ROCK2: variants seen among roughly 807,000 people sequenced by gnomAD.
ROCK2 encodes rho-associated protein kinase 2.
Under a neutral mutation model 195.1 loss-of-function variants are expected in ROCK2, and 61 were observed. The observed-to-expected ratio is 0.31, with a 90% CI of 0.25 to 0.39. The LOEUF is 0.39. Ranked by LOEUF, ROCK2 falls within the 10% of genes least tolerant of loss-of-function variation. ROCK2 has a pLI of 1.00. For missense variants in ROCK2, 1,109 were observed against 1,637.4 expected (o/e 0.68, Z 5.57); for synonymous variants, 504 against 545.5 (o/e 0.92, Z 1.06).
chr2:11,205,380 C>G (rs182443418), intron 20 of ROCK2, among the ~76,000 whole-genome samples: 2 of 152,314 alleles, frequency 1.3e-5, no homozygotes, highest in Admixed American at 1.3e-4. Context: ...TGTTCTACTT[C>G]ATCAGTCACA....
At chr2:11,185,532 C>T (rs1663163558) in intron 32 of ROCK2, among the ~76,000 whole-genome samples, 1 of 152,152 alleles carries the variant, frequency 6.6e-6, no homozygotes, top group African/African-American at 2.4e-5. Flanking sequence ...AGTTCAAGAC[C>T]AGCCTGGCCA....
At chr2:11,224,496 G>A (rs748218310) in intron 6 of ROCK2, 36 bp from the exon 7 acceptor site, 52 of 1,593,824 alleles carry the variant, frequency 3.3e-5, no homozygotes, top group Non-Finnish European at 4.3e-5. Flanking sequence ...GAATGTAACA[G>A]AGAATGCAAA....
At position 11,212,250 on chromosome 2, in the gene ROCK2, T is replaced by G. The variant is rs144474720; in HGVS notation, c.2044-410A>C. Reference sequence around the variant, plus strand: ...TTTTTTAACAGGCTTAACTAGAATGTTCAGTATTTCCCCTCCCGTCTTCAC... The same window carrying G: ...TTTTTTAACAGGCTTAACTAGAATGGTCAGTATTTCCCCTCCCGTCTTCAC... On this transcript the variant is annotated intron_variant, in intron 17 of 32. Coordinates refer to ENST00000315872, the MANE Select transcript of ROCK2 (RefSeq NM_004850.5). Among the ~76,000 whole-genome samples, 461 of 152,134 alleles carry G rather than the reference T, an allele frequency of 3.0e-3. 2 individuals are homozygous for G. The highest frequency in any genetic ancestry group is 9.9e-3 in the African/African-American group (410 of 41,484).
chr2:11,289,209 T>G (rs1287245143), intron 1 of ROCK2, among the ~76,000 whole-genome samples: 1 of 152,078 alleles, frequency 6.6e-6, no homozygotes, highest in Non-Finnish European at 1.5e-5. Flanking sequence ...CCAGGTAAGC[T>G]GGGATTGTTA....
intron 7 of ROCK2, among the ~76,000 whole-genome samples, chr2:11,223,736 T>A (rs544799896): frequency 1.3e-5 from 2 of 152,216 alleles, no homozygotes; most frequent in East Asian, 3.9e-4. Context: ...AACGGGACAT[T>A]AGAAAAAAAT....
Position 11,214,342 on chromosome 2 carries a change from T to A in ROCK2, c.2043+15A>T. 1.4e-6 allele frequency: 2 copies of A among 1,422,682 alleles called. No homozygotes were observed. Among genetic ancestry groups the A allele is most frequent in the East Asian group, 4.6e-5 (2 of 43,696 alleles). The allele number at this position is 1,422,682 out of a possible 1,614,324, so 88.1% of individuals were successfully genotyped here. ...CTGTCAATTTTCTTATGCAAAAATATAAAACATGTTTTACCTTTTCCAAAT... is the reference window on the plus strand; with the variant it reads ...CTGTCAATTTTCTTATGCAAAAATAAAAAACATGTTTTACCTTTTCCAAAT... On this transcript the variant is annotated intron_variant, in intron 17 of 32. Transcript: ENST00000315872.
rs1483703733 is a variant in ROCK2, at chr2:11,192,181, C to T, written c.4130G>A (p.Arg1377Gln). Residue 1377 changes from arginine to glutamine, a missense_variant, in exon 32 of 33, where the codon CGG (arginine) becomes CAG (glutamine). Arg to Gln is a conservative substitution (Grantham distance 43). Transcript: ENST00000315872. The surrounding 1 kb of genome is among the most constrained non-coding windows in gnomAD (Gnocchi z 5.0). ...GTTTGGGGCAAGCTGTCGACTTGGC[C>T]GTCTAATAGACTGGTTTTGCTGTAT... The part of the protein sequence containing the change: ...MKIQQNQSIR[R>Q]PSRQLAPNKP... 8.1e-6 allele frequency: 13 copies of T among 1,610,728 alleles called. No individual in the cohort carries two copies. Among genetic ancestry groups the T allele is most frequent in the Admixed American group, 1.7e-5 (1 of 59,680 alleles).
At chr2:11,305,227 T>G (rs569190552) in intron 1 of ROCK2, among the ~76,000 whole-genome samples, 3 of 152,032 alleles carry the variant, frequency 2.0e-5, no homozygotes, top group Non-Finnish European at 4.4e-5. Flanking sequence ...AATACAAAAA[T>G]TAGCTGGGCA....
At chr2:11,208,766 T>C (rs901973219) in intron 18 of ROCK2, among the ~76,000 whole-genome samples, 1 of 152,106 alleles carries the variant, frequency 6.6e-6, no homozygotes, top group Admixed American at 6.5e-5. Context: ...CTAAGTTTTG[T>C]ATTTTTAGTA....
At chr2:11,338,138 G>A (rs577870855) in intron 1 of ROCK2, among the ~76,000 whole-genome samples, 42 of 152,034 alleles carry the variant, frequency 2.8e-4, no homozygotes, top group African/African-American at 9.4e-4. Flanking sequence ...GAGGCCAGGA[G>A]TTTGAGACCA....
At chr2:11,266,039 C>T (rs1422758545) in intron 3 of ROCK2, among the ~76,000 whole-genome samples, 3 of 152,166 alleles carry the variant, frequency 2.0e-5, no homozygotes, top group East Asian at 1.9e-4. Flanking sequence ...AAAACACGCA[C>T]GCCCACTAGC....
Position 11,201,957 on chromosome 2 carries a change from C to T in ROCK2, c.2619+95G>A, listed in dbSNP as rs1483983556. On this transcript the variant is annotated intron_variant, in intron 21 of 32. Coordinates refer to ENST00000315872, the MANE Select transcript of ROCK2 (RefSeq NM_004850.5). This position sits in a 1 kb window ranked among gnomAD's most constrained non-coding sequence, Gnocchi z 4.6. ...TCTTAAACTATCTACATTCTTTTGC[C>T]CAGCTGCTCTTTTTATATGAGTTGT... 3 of 884,958 alleles carry T rather than the reference C, an allele frequency of 3.4e-6. No individual in the cohort carries two copies. Among genetic ancestry groups the T allele is most frequent in the Admixed American group, 3.6e-5 (2 of 55,468 alleles). The allele number at this position is 884,958 out of a possible 1,614,324, so 54.8% of individuals were successfully genotyped here.
intron 4 of ROCK2, among the ~76,000 whole-genome samples, chr2:11,248,435 C>A (rs556691865): frequency 1.3e-5 from 2 of 151,768 alleles, no homozygotes; most frequent in African/African-American, 4.8e-5. Context: ...AGGCCAGGTG[C>A]GGTGGCTCAC....
chr2:11,242,467 G>C (rs1665460804), intron 4 of ROCK2, among the ~76,000 whole-genome samples: 1 of 152,160 alleles, frequency 6.6e-6, no homozygotes, highest in Non-Finnish European at 1.5e-5. Flanking sequence ...AAGCCCAAGT[G>C]AGAGAGGAGG....
chr2:11,248,708 C>CAAAAAA (rs70953372), intron 4 of ROCK2, among the ~76,000 whole-genome samples: 475 of 45,408 alleles, frequency 0.01, 23 homozygotes, highest in Non-Finnish European at 0.012. Context: ...GACTTCATCT[C>CAAAAAA]AAAAAAAAAA....
chr2:11,236,813 T>A (rs890495823), intron 4 of ROCK2, among the ~76,000 whole-genome samples: 12 of 152,080 alleles, frequency 7.9e-5, no homozygotes, highest in Admixed American at 3.9e-4. Context: ...ACAAAAATAA[T>A]ACTCAAGGAA....
chr2:11,277,112 T>C (rs903257332), intron 3 of ROCK2, among the ~76,000 whole-genome samples: 2 of 152,226 alleles, frequency 1.3e-5, no homozygotes, highest in African/African-American at 2.4e-5. Flanking sequence ...GTGTGGTACA[T>C]TTGTTACAAC....
chr2:11,268,751 T>C (rs1038095938), intron 3 of ROCK2, among the ~76,000 whole-genome samples: 1 of 152,208 alleles, frequency 6.6e-6, no homozygotes, highest in Non-Finnish European at 1.5e-5. Context: ...AGATTTCTCA[T>C]TGTAGATTTC....
At chr2:11,208,263 A>G in intron 19 of ROCK2, 24 bp downstream of exon 19, 2 of 1,266,192 alleles carry the variant, frequency 1.6e-6, no homozygotes, top group African/African-American at 1.5e-5. Flanking sequence ...TTTATTATTA[A>G]TCATTAGTAC....
Sources: gnomAD v4.1 joint callset for allele counts (sites outside exome capture counted in the v4.1 genomes callset) on GRCh38, gnomAD v4.1.1 for gene constraint, Gnocchi (gnomAD v3.1) non-coding constraint, MANE v1.5 for transcripts, NCBI Gene and HGNC (gene_info 2026-07-23, HGNC 2026-07-21) for gene names.